The following NEK6 variants were observed in gnomAD, a reference collection of about 807,000 sequenced individuals.
NEK6 encodes NIMA related kinase 6, also known as serine/threonine-protein kinase Nek6.
In NEK6, 27 loss-of-function variants were observed where a neutral mutation model predicts 43.5. That is an observed-to-expected ratio of 0.62 (90% CI 0.46 to 0.86). The LOEUF (loss-of-function observed/expected upper bound fraction) is 0.86. Ranked by LOEUF, NEK6 falls within the 40% of genes least tolerant of loss-of-function variation. NEK6 has a pLI of 0.00. For synonymous variants in NEK6, 167 were observed against 164.1 expected (o/e 1.02, Z -0.14); for missense variants, 318 against 414.4 (o/e 0.77, Z 2.02).
At chr9:124,319,228 C>G (rs1833951133) in intron 4 of NEK6, among the ~76,000 whole-genome samples, 1 of 152,154 alleles carries the variant, frequency 6.6e-6, no homozygotes, top group African/African-American at 2.4e-5. Context: ...CAATGATCCG[C>G]CCACCTCAGC....
intron 1 of NEK6, among the ~76,000 whole-genome samples, chr9:124,293,166 T>C (rs1372724838): frequency 6.6e-6 from 1 of 152,174 alleles, no homozygotes; most frequent in African/African-American, 2.4e-5. Flanking sequence ...ATGCAGACTT[T>C]GGAGAGGGTT....
At chr9:124,318,262 G>A (rs1182762474) in intron 4 of NEK6, among the ~76,000 whole-genome samples, 1 of 150,640 alleles carries the variant, frequency 6.6e-6, no homozygotes, top group Non-Finnish European at 1.5e-5. Flanking sequence ...TTTTTTTTGA[G>A]ACTGGGTCAC....
chr9:124,342,409 C>T (rs559590403), intron 8 of NEK6, among the ~76,000 whole-genome samples: 1 of 152,358 alleles, frequency 6.6e-6, no homozygotes, highest in East Asian at 1.9e-4. Context: ...CCAGGGCCCA[C>T]CCACGGAAGG....
intron 4 of NEK6, among the ~76,000 whole-genome samples, chr9:124,314,880 A>C (rs1833738035): frequency 6.6e-6 from 1 of 152,124 alleles, no homozygotes; most frequent in African/African-American, 2.4e-5. Context: ...GCCTGGTCTC[A>C]ACCTCCTGAC....
intron 7 of NEK6, among the ~76,000 whole-genome samples, chr9:124,330,453 T>C (rs1828919867): frequency 6.6e-6 from 1 of 151,374 alleles, no homozygotes; most frequent in Non-Finnish European, 1.5e-5. Flanking sequence ...GCTCCTCGGC[T>C]GTAGTGACAG....
intron 2 of NEK6, among the ~76,000 whole-genome samples, chr9:124,303,711 A>G (rs1310372778): frequency 1.3e-5 from 2 of 152,224 alleles, no homozygotes; most frequent in African/African-American, 4.8e-5. Flanking sequence ...GGCAGATCCC[A>G]GAAAGCTGGG....
chr9:124,294,373 G>C (rs1158059947), intron 1 of NEK6, among the ~76,000 whole-genome samples: 1 of 152,068 alleles, frequency 6.6e-6, no homozygotes, highest in Non-Finnish European at 1.5e-5. Context: ...CCATCTGGCT[G>C]GTCTGAGAAG....
At chr9:124,331,423 A>G (rs1479856492) in intron 7 of NEK6, among the ~76,000 whole-genome samples, 6 of 152,114 alleles carry the variant, frequency 3.9e-5, no homozygotes, top group Non-Finnish European at 1.5e-5. Flanking sequence ...CCCCACGGGA[A>G]ATCAGCTCAA....
chr9:124,312,355 G>T (rs1170191250), intron 2 of NEK6, among the ~76,000 whole-genome samples, 154 bp from the exon 3 acceptor site: 2 of 152,044 alleles, frequency 1.3e-5, no homozygotes, highest in Non-Finnish European at 1.5e-5. Context: ...AAAGCCCCCT[G>T]GGGGGGTGCC....
chr9:124,326,455 AGGAGCCGCCC>A lies in NEK6; in HGVS notation c.514+24_514+33del, dbSNP rs752435133. 1.5e-6 allele frequency: 2 copies of A among 1,313,770 alleles called. No homozygotes were observed. Among genetic ancestry groups the A allele is most frequent in the Non-Finnish European group, 2.0e-6 (2 of 1,010,282 alleles). The allele number at this position is 1,313,770 out of a possible 1,614,324, so 81.4% of individuals were successfully genotyped here. On this transcript the variant is annotated intron_variant, in intron 6 of 9. Coordinates refer to ENST00000320246, the MANE Select transcript of NEK6 (RefSeq NM_014397.6). This position sits in a 1 kb window ranked among gnomAD's most constrained non-coding sequence, Gnocchi z 4.5. Reference sequence around the variant, plus strand: ...TGCACCGAGGTACGTGCCACCCGCCAGGAGCCGCCCGGAGCCACCTGGAGCCCAGGAAGAC... The same window carrying A: ...TGCACCGAGGTACGTGCCACCCGCCAGGAGCCACCTGGAGCCCAGGAAGAC...
intron 1 of NEK6, among the ~76,000 whole-genome samples, chr9:124,276,617 C>T (rs1332418290): frequency 6.6e-6 from 1 of 152,214 alleles, no homozygotes; most frequent in Non-Finnish European, 1.5e-5. Context: ...AGTGCTTGAG[C>T]CTGAATCTTC....
chr9:124,310,585 A>C (rs1833480698), intron 2 of NEK6, among the ~76,000 whole-genome samples: 1 of 152,246 alleles, frequency 6.6e-6, no homozygotes, highest in South Asian at 2.1e-4. Flanking sequence ...GAGTTCCCTC[A>C]GCCAAATCTG....
chr9:124,347,650 T>C, intron 8 of NEK6, 59 bp from the exon 9 acceptor site: 4 of 1,142,262 alleles, frequency 3.5e-6, no homozygotes. Context: ...CCTCCTCCTC[T>C]CTAGTCCTTC....
At chr9:124,268,559 T>C (rs1450005028) in intron 1 of NEK6, among the ~76,000 whole-genome samples, 1 of 152,186 alleles carries the variant, frequency 6.6e-6, no homozygotes, top group Non-Finnish European at 1.5e-5. Context: ...ACACTTGTGG[T>C]GTTTTGATGG....
intron 4 of NEK6, among the ~76,000 whole-genome samples, chr9:124,317,834 T>C (rs1157899753): frequency 1.3e-5 from 2 of 152,274 alleles, no homozygotes; most frequent in Admixed American, 6.5e-5. Flanking sequence ...GCATCCGTGT[T>C]GCTGCAAAGG....
chr9:124,260,097 C>CG (rs150419434), intron 1 of NEK6, among the ~76,000 whole-genome samples: 2,428 of 152,196 alleles, frequency 0.016, 73 homozygotes, highest in African/African-American at 0.055. Flanking sequence ...CTGAGGCACA[C>CG]GGGGGTCAAG....
intron 4 of NEK6, among the ~76,000 whole-genome samples, chr9:124,317,048 C>T (rs1480850349): frequency 1.3e-5 from 2 of 152,162 alleles, no homozygotes; most frequent in Non-Finnish European, 2.9e-5. Flanking sequence ...CCCATTTATC[C>T]TCATAGCAGC....
intron 1 of NEK6, among the ~76,000 whole-genome samples, chr9:124,295,733 G>A (rs1164967284): frequency 1.3e-5 from 2 of 152,204 alleles, no homozygotes; most frequent in Admixed American, 1.3e-4. Flanking sequence ...CTGTTGGCGG[G>A]GGCTGTTATT....
Position 124,350,874 on chromosome 9 carries a change from C to T in NEK6, c.869C>T (p.Pro290Leu). ...ELVSMCICPD[P>L]HQRPDIGYVH... is the part of the protein sequence containing the mutation. Reference sequence around the variant, plus strand: ...GTCAGCATGTGCATCTGCCCTGACCCCCACCAGAGACCTGACATCGGATAC... The same window carrying T: ...GTCAGCATGTGCATCTGCCCTGACCTCCACCAGAGACCTGACATCGGATAC... The change falls in exon 10 of 10, where the codon CCC becomes CTC. Residue 290 changes from proline to leucine, a missense_variant. Pro to Leu is a moderately conservative substitution (Grantham distance 98). Coordinates refer to ENST00000320246, the MANE Select transcript of NEK6 (RefSeq NM_014397.6). 1 of 1,612,860 alleles carries T rather than the reference C, an allele frequency of 6.2e-7. No homozygotes were observed. Among genetic ancestry groups the T allele is most frequent in the Non-Finnish European group, 8.5e-7 (1 of 1,179,964 alleles).
Sources: gnomAD v4.1 joint callset for allele counts (sites outside exome capture counted in the v4.1 genomes callset) on GRCh38, gnomAD v4.1.1 for gene constraint, Gnocchi (gnomAD v3.1) non-coding constraint, MANE v1.5 for transcripts, NCBI Gene and HGNC (gene_info 2026-07-23, HGNC 2026-07-21) for gene names.